The following TMC1 variants were observed in gnomAD, a reference collection of about 807,000 sequenced individuals.
TMC1 encodes the protein transmembrane channel like 1, also known as transmembrane channel-like protein 1.
A neutral mutation model predicts 105.8 loss-of-function variants in TMC1; 84 were observed. That is an observed-to-expected ratio of 0.79 (90% CI 0.67 to 0.95). TMC1 has a LOEUF of 0.95. Ranked by LOEUF, TMC1 falls within the 40% of genes least tolerant of loss-of-function variation. The pLI is 0.00. For missense variants in TMC1, 817 were observed against 914.1 expected, an observed-to-expected ratio of 0.89 and a Z score of 1.37; for synonymous variants, 315 against 311.5, an observed-to-expected ratio of 1.01 and a Z score of -0.12.
At chr9:72,754,760 A>G (rs1475031343) in intron 11 of TMC1, 26 bp from the exon 12 acceptor site, 1 of 1,554,434 alleles carries the variant, frequency 6.4e-7, no homozygotes, top group Non-Finnish European at 8.9e-7. Flanking sequence ...CTAATTGTTC[A>G]CTGCTTTCTT....
At chr9:72,784,358 A>T (rs1054361695) in intron 13 of TMC1, among the ~76,000 whole-genome samples, 2 of 152,238 alleles carry the variant, frequency 1.3e-5, no homozygotes, top group African/African-American at 4.8e-5. Context: ...AGAAATGCAA[A>T]GTAAAGCCAC....
At chr9:72,754,178 C>A (rs923087151) in intron 11 of TMC1, among the ~76,000 whole-genome samples, 1 of 152,172 alleles carries the variant, frequency 6.6e-6, no homozygotes, top group African/African-American at 2.4e-5. Flanking sequence ...CTTGCCCTCT[C>A]ACTGGCCCAC....
At position 72,628,816 on chromosome 9, in the gene TMC1, T is replaced by A. The variant is rs116708431; in HGVS notation, c.-53+753T>A. Among the ~76,000 whole-genome samples, 1,411 of 152,342 alleles carry A rather than the reference T, an allele frequency of 9.3e-3. 25 individuals carry two copies. The highest frequency in any genetic ancestry group is 0.032 in the African/African-American group (1,319 of 41,584). ...TGCCTTTGGAAAGTATAATTTGTAT[T>A]TTTCAAAATTATGATTAGATCTAAT... On this transcript the variant is annotated intron_variant, in intron 4 of 23. Coordinates refer to ENST00000297784, the MANE Select transcript of TMC1 (RefSeq NM_138691.3).
chr9:72,589,762 A>G (rs1347097565), intron 2 of TMC1, among the ~76,000 whole-genome samples: 2 of 152,206 alleles, frequency 1.3e-5, no homozygotes, highest in Non-Finnish European at 2.9e-5. Flanking sequence ...GGGTTATAAA[A>G]CCATAAAATT....
At chr9:72,825,885 C>T (rs1388677202) in intron 20 of TMC1, among the ~76,000 whole-genome samples, 1 of 151,954 alleles carries the variant, frequency 6.6e-6, no homozygotes, top group Non-Finnish European at 1.5e-5. Flanking sequence ...AGTCCAATGA[C>T]TACTGACAAA....
At chr9:72,550,101 G>T (rs957362255) in intron 1 of TMC1, among the ~76,000 whole-genome samples, 3 of 152,078 alleles carry the variant, frequency 2.0e-5, no homozygotes, top group African/African-American at 7.2e-5. Flanking sequence ...CTAAGAGAAT[G>T]CAGGACAAAT....
chr9:72,629,839 T>G (rs998897139), intron 4 of TMC1, among the ~76,000 whole-genome samples: 1 of 152,096 alleles, frequency 6.6e-6, no homozygotes, highest in African/African-American at 2.4e-5. Flanking sequence ...GATAGATATT[T>G]TCCTTCTGTT....
chr9:72,544,473 T>G (rs1823730683), intron 1 of TMC1, among the ~76,000 whole-genome samples: 1 of 138,048 alleles, frequency 7.2e-6, no homozygotes, highest in African/African-American at 2.9e-5. Flanking sequence ...TTGTTGATTT[T>G]TTAACTTTTT....
At chr9:72,607,573 G>A (rs1253461292) in intron 2 of TMC1, among the ~76,000 whole-genome samples, 1 of 146,372 alleles carries the variant, frequency 6.8e-6, no homozygotes, top group Non-Finnish European at 1.5e-5. Context: ...CCGAGATCGC[G>A]CCACTGCACT....
At chr9:72,800,250 T>A (rs1312562392) in intron 17 of TMC1, among the ~76,000 whole-genome samples, 1 of 152,158 alleles carries the variant, frequency 6.6e-6, no homozygotes, top group African/African-American at 2.4e-5. Context: ...GTCTGTTTTA[T>A]CACAACTAAG....
At chr9:72,594,326 G>A (rs559695875) in intron 2 of TMC1, among the ~76,000 whole-genome samples, 1 of 152,264 alleles carries the variant, frequency 6.6e-6, no homozygotes, top group South Asian at 2.1e-4. Flanking sequence ...CACTAGGGAG[G>A]TGTAAAGATA....
chr9:72,635,257 A>G (rs1480472613), intron 4 of TMC1, among the ~76,000 whole-genome samples: 1 of 151,846 alleles, frequency 6.6e-6, no homozygotes, highest in Non-Finnish European at 1.5e-5. Context: ...CGTCTCCAAA[A>G]AAAAAAAAAG....
At chr9:72,594,145 T>G (rs1167190245) in intron 2 of TMC1, among the ~76,000 whole-genome samples, 2 of 152,150 alleles carry the variant, frequency 1.3e-5, no homozygotes, top group Non-Finnish European at 2.9e-5. Flanking sequence ...GAAAAATATA[T>G]GAGTTTTATT....
intron 1 of TMC1, among the ~76,000 whole-genome samples, chr9:72,569,894 C>G (rs1193252150): frequency 6.6e-6 from 1 of 152,092 alleles, no homozygotes; most frequent in Non-Finnish European, 1.5e-5. Flanking sequence ...GGGTTAAGTC[C>G]TGAGGCGTGA....
chr9:72,613,690 C>T (rs779363490), intron 2 of TMC1, among the ~76,000 whole-genome samples: 4 of 151,810 alleles, frequency 2.6e-5, no homozygotes, highest in African/African-American at 9.7e-5. Flanking sequence ...CTGTGGGGGT[C>T]GGAGATGAGT....
At chr9:72,832,090 G>A (rs1285063758) in intron 23 of TMC1, among the ~76,000 whole-genome samples, 1 of 151,834 alleles carries the variant, frequency 6.6e-6, no homozygotes, top group Non-Finnish European at 1.5e-5. Context: ...TGAGTAGTGG[G>A]GACAGCGCAC....
intron 4 of TMC1, among the ~76,000 whole-genome samples, chr9:72,629,408 G>A (rs1825409965): frequency 6.6e-6 from 1 of 152,070 alleles, no homozygotes; most frequent in African/African-American, 2.4e-5. Flanking sequence ...TCCAGTCACG[G>A]TGATAAATAA....
chr9:72,583,403 C>T (rs1377175809), intron 2 of TMC1, among the ~76,000 whole-genome samples: 2 of 152,142 alleles, frequency 1.3e-5, no homozygotes, highest in Admixed American at 6.5e-5. Flanking sequence ...TATTTAAGAG[C>T]AGATAAAATA....
chr9:72,675,541 C>G (rs960132306), intron 5 of TMC1, among the ~76,000 whole-genome samples: 7 of 152,128 alleles, frequency 4.6e-5, no homozygotes, highest in African/African-American at 1.7e-4. Flanking sequence ...TTCTTTCCTA[C>G]TTTTGATCTG....
Sources: gnomAD v4.1 joint callset for allele counts (sites outside exome capture counted in the v4.1 genomes callset) on GRCh38, gnomAD v4.1.1 for gene constraint, MANE v1.5 for transcripts, NCBI Gene and HGNC (gene_info 2026-07-23, HGNC 2026-07-21) for gene names.